Variants in LCLAT1 observed in about 807,000 individuals in gnomAD.
LCLAT1 encodes 1-AGP acyltransferase 8.
A neutral mutation model predicts 30.7 loss-of-function variants in LCLAT1; 11 were observed. That is an observed-to-expected ratio of 0.36 (90% CI 0.23 to 0.59). The LOEUF is 0.59. LCLAT1 is among the 20% of genes least tolerant of loss of function. The probability of loss-of-function intolerance (pLI) is 0.77; values close to 1 mark genes in which losing one functional copy is unlikely to be tolerated. For synonymous variants in LCLAT1, 155 were observed against 151.3 expected, an observed-to-expected ratio of 1.02 and a Z score of -0.18; for missense variants, 402 against 458.6, an observed-to-expected ratio of 0.88 and a Z score of 1.13.
chr2:30,489,758 G>C (rs998841977), intron 1 of LCLAT1, among the ~76,000 whole-genome samples: 9 of 152,182 alleles, frequency 5.9e-5, no homozygotes, highest in African/African-American at 2.2e-4. Flanking sequence ...TGTAAGGCAG[G>C]GATCAGGGAG....
chr2:30,637,797 C>G (rs900031212), intron 5 of LCLAT1, among the ~76,000 whole-genome samples: 2 of 152,076 alleles, frequency 1.3e-5, no homozygotes, highest in Admixed American at 6.5e-5. Flanking sequence ...AGGCTGGTCT[C>G]GAACTCCTGA....
Position 30,476,774 on chromosome 2 carries a change from A to G in LCLAT1, c.-5+29391A>G, listed in dbSNP as rs530820528. The G allele has an allele frequency of 6.2e-5, 20 of 320,400 alleles. No homozygotes were observed. The East Asian group carries it at 1.2e-3, about 18-fold the overall frequency. The allele number at this position is 320,400 out of a possible 1,614,324, so 19.8% of individuals were successfully genotyped here. A position where few individuals can be genotyped will look rare whatever the true frequency, so the allele number is the denominator to read the frequency against. ...GCCATCCATGGAAAAATCGTCTTCT[A>G]TGAAACCAGTTCCTGGTGCCAAAAA... On this transcript the variant is annotated intron_variant, in intron 1 of 5. Coordinates refer to ENST00000379509, the MANE Select transcript of LCLAT1 (RefSeq NM_001002257.3).
intron 3 of LCLAT1, among the ~76,000 whole-genome samples, chr2:30,557,326 G>GTGTA (rs1664971875): frequency 1.4e-5 from 2 of 146,266 alleles, no homozygotes; most frequent in South Asian, 4.4e-4. Flanking sequence ...GTGTGTGTGT[G>GTGTA]TATGACCAGT....
At chr2:30,489,422 G>A (rs908214527) in intron 1 of LCLAT1, among the ~76,000 whole-genome samples, 11 of 151,654 alleles carry the variant, frequency 7.3e-5, no homozygotes, top group African/African-American at 2.2e-4. Flanking sequence ...GCGCGATCTC[G>A]GCTCACTGCA....
intron 1 of LCLAT1, among the ~76,000 whole-genome samples, chr2:30,505,130 G>A (rs905048389): frequency 1.3e-5 from 2 of 152,036 alleles, no homozygotes; most frequent in African/African-American, 4.8e-5. Context: ...TTCTGTTACA[G>A]ACAATGCTGC....
chr2:30,457,521 G>T (rs529460932), intron 1 of LCLAT1, among the ~76,000 whole-genome samples: 1 of 152,290 alleles, frequency 6.6e-6, no homozygotes, highest in African/African-American at 2.4e-5. Flanking sequence ...AAGGATGTTT[G>T]TTGGAAGTAC....
chr2:30,454,920 T>C (rs1367561419), intron 1 of LCLAT1, among the ~76,000 whole-genome samples: 1 of 152,214 alleles, frequency 6.6e-6, no homozygotes, highest in Non-Finnish European at 1.5e-5. Context: ...GTTGAATTTA[T>C]TTATGGTAGT....
intron 5 of LCLAT1, among the ~76,000 whole-genome samples, chr2:30,613,349 G>A (rs542750827): frequency 6.6e-6 from 1 of 152,158 alleles, no homozygotes; most frequent in Non-Finnish European, 1.5e-5. Context: ...CGGGCAGGTG[G>A]GCAAACAGAG....
Position 30,494,534 on chromosome 2 carries a change from A to T in LCLAT1, c.-4-31053A>T, listed in dbSNP as rs373732171. Among the ~76,000 whole-genome samples the T allele has an allele frequency of 2.4e-4, 34 of 139,702 alleles. No homozygotes were observed. The East Asian group carries it at 5.2e-3, about 22-fold the overall frequency. 91.6% of individuals were successfully genotyped at this position (139,702 alleles called of 152,430 possible). A position where few individuals can be genotyped will look rare whatever the true frequency, so the allele number is the denominator to read the frequency against. On this transcript the variant is annotated intron_variant, in intron 1 of 5. Coordinates refer to ENST00000379509, the MANE Select transcript of LCLAT1 (RefSeq NM_001002257.3). The stretch of plus-strand genomic sequence containing the variant: ...AAAATATAAACCTATATTTTTGCAT[A>T]CATACATGCATACACACACGCATAC...
chr2:30,498,596 A>G (rs778214193), intron 1 of LCLAT1, among the ~76,000 whole-genome samples: 7 of 152,048 alleles, frequency 4.6e-5, no homozygotes, highest in Admixed American at 1.3e-4. Context: ...ACTCACCCCA[A>G]TTGCCTGCCT....
chr2:30,472,427 T>G (rs1472639074), intron 1 of LCLAT1, among the ~76,000 whole-genome samples: 3 of 152,176 alleles, frequency 2.0e-5, no homozygotes, highest in Non-Finnish European at 4.4e-5. Context: ...TTTCTTGATT[T>G]GAGATAAATG....
chr2:30,568,864 C>CAAAAAAAAAAAAAAAAAAAAAAAAAAAAA (rs61325694), intron 5 of LCLAT1, among the ~76,000 whole-genome samples: 2 of 89,114 alleles, frequency 2.2e-5, no homozygotes, highest in African/African-American at 4.0e-5. Context: ...TCATGAATAG[C>CAAAAAAAAAAAAAAAAAAAAAAAAAAAAA]AAAAAAAAAA....
chr2:30,478,772 T>C (rs1683174360), intron 1 of LCLAT1, among the ~76,000 whole-genome samples: 1 of 152,216 alleles, frequency 6.6e-6, no homozygotes, highest in Non-Finnish European at 1.5e-5. Context: ...GTAACTTTCA[T>C]AACCAGAAAC....
rs185906232 is a variant in LCLAT1, at chr2:30,593,825, A to T, written c.628+25649A>T. 2.3e-3 allele frequency among the ~76,000 whole-genome samples: 346 copies of T among 152,038 alleles called. 2 individuals are homozygous for T. The highest frequency in any genetic ancestry group is 7.9e-3 in the African/African-American group (328 of 41,468). On this transcript the variant is annotated intron_variant, in intron 5 of 5. Transcript: ENST00000379509. ...GTAGTCCCTACTACTTGGGAGGCTG[A>T]AGCAGGAGGATTGCTTGAGCCCAGG...
chr2:30,525,873 T>TC (rs1685694128), intron 2 of LCLAT1, 118 bp downstream of exon 2: 3 of 759,712 alleles, frequency 3.9e-6, no homozygotes, highest in Non-Finnish European at 6.6e-6. Flanking sequence ...CCTAGGCACA[T>TC]CCTTCTGTAT....
rs181013806 is a variant in LCLAT1 at position 30,596,116 on chromosome 2, C to A, written c.628+27940C>A. 2.2e-4 allele frequency among the ~76,000 whole-genome samples: 34 copies of A among 152,162 alleles called. No homozygotes were observed. The Middle Eastern group carries it at 0.017, about 76-fold the overall frequency. Reference sequence around the variant, plus strand: ...TAAATACATGCGTGCATGTATCTTTCTTTATAATAGAATGATTTATGTTCC... The same window carrying A: ...TAAATACATGCGTGCATGTATCTTTATTTATAATAGAATGATTTATGTTCC... On this transcript the variant is annotated intron_variant, in intron 5 of 5. Transcript: ENST00000379509.
At chr2:30,582,015 A>G (rs971613469) in intron 5 of LCLAT1, among the ~76,000 whole-genome samples, 2 of 152,224 alleles carry the variant, frequency 1.3e-5, no homozygotes, top group Non-Finnish European at 2.9e-5. Context: ...TACCTCATAA[A>G]TAGGTACAAT....
intron 3 of LCLAT1, among the ~76,000 whole-genome samples, chr2:30,536,561 A>G (rs1315331359): frequency 6.6e-6 from 1 of 152,260 alleles, no homozygotes; most frequent in Non-Finnish European, 1.5e-5. Flanking sequence ...TAAAGGAGAC[A>G]TAGTCTTTCC....
At position 30,460,896 on chromosome 2, in the gene LCLAT1, T is replaced by C. The variant is rs183576159; in HGVS notation, c.-5+13513T>C. 1.4e-4 allele frequency among the ~76,000 whole-genome samples: 21 copies of C among 152,296 alleles called. No individual in the cohort carries two copies. The East Asian group carries it at 4.1e-3, about 29-fold the overall frequency. ...AACCCTGGAATAGCAGTGAACATAC[T>C]GGTTTGCTAGGAAGATGACACCTGG... is the stretch of plus-strand genomic sequence containing the variant. On this transcript the variant is annotated intron_variant, in intron 1 of 5. Coordinates refer to ENST00000379509, the MANE Select transcript of LCLAT1 (RefSeq NM_001002257.3).
Sources: gnomAD v4.1 joint callset for allele counts (sites outside exome capture counted in the v4.1 genomes callset) on GRCh38, gnomAD v4.1.1 for gene constraint, MANE v1.5 for transcripts, NCBI Gene and HGNC (gene_info 2026-07-23, HGNC 2026-07-21) for gene names.